Variants in RBFOX1 observed in about 807,000 individuals in gnomAD.
The protein encoded by RBFOX1 is RNA binding fox-1 homolog 1.
Under a neutral mutation model 57.7 loss-of-function variants are expected in RBFOX1, and 8 were observed. The ratio of observed to expected loss-of-function variants is 0.14; its 90% confidence interval spans 0.08 to 0.25. The LOEUF (loss-of-function observed/expected upper bound fraction) is 0.25, where lower values mean the gene tolerates loss of function less well. Among genes scored for constraint, RBFOX1 ranks in the 10% least tolerant of loss-of-function variants. The pLI is 1.00. For synonymous variants in RBFOX1, 326 were observed against 222.4 expected (o/e 1.47, Z -4.15); for missense variants, 611 against 548.5 (o/e 1.11, Z -1.14).
intron 2 of RBFOX1, among the ~76,000 whole-genome samples, chr16:5,579,370 C>T (rs2046583959): frequency 6.6e-6 from 1 of 152,130 alleles, no homozygotes; most frequent in Non-Finnish European, 1.5e-5. Flanking sequence ...CTCATCACTC[C>T]TCTTCTATGT....
At chr16:6,806,995 A>G (rs918827418) in intron 3 of RBFOX1, among the ~76,000 whole-genome samples, 2 of 151,274 alleles carry the variant, frequency 1.3e-5, no homozygotes, top group Admixed American at 6.6e-5. Context: ...CACCACGTCC[A>G]GCTGATTTTT....
chr16:7,417,134 C>T (rs906118189), intron 4 of RBFOX1, among the ~76,000 whole-genome samples: 12 of 152,038 alleles, frequency 7.9e-5, no homozygotes, highest in African/African-American at 1.9e-4. Flanking sequence ...CTTTGGGAGG[C>T]GGAGGCGGGT....
chr16:6,201,957 G>A (rs1415895115), intron 1 of RBFOX1, among the ~76,000 whole-genome samples: 2 of 152,146 alleles, frequency 1.3e-5, no homozygotes, highest in Non-Finnish European at 2.9e-5. Context: ...GGTCCCCTAG[G>A]TCAACTCAGG....
In RBFOX1 at chr16:5,273,224, A is replaced by AT. The variant is rs748241159; in HGVS notation, c.219+33134dup. On this transcript the variant is annotated intron_variant, in intron 1 of 2. Coordinates refer to the RBFOX1 transcript ENST00000585867. Reference sequence around the variant, plus strand: ...GAGCTCAAAGCCACGATTGCTTTCAATTTTTTTTTTTTTTTGGTGGTCGGT... The same window carrying AT: ...GAGCTCAAAGCCACGATTGCTTTCAATTTTTTTTTTTTTTTTGGTGGTCGGT... Among the ~76,000 whole-genome samples the AT allele has an allele frequency of 5.5e-3, 753 of 137,480 alleles. 3 individuals carry two copies. The highest frequency in any genetic ancestry group is 0.012 in the African/African-American group (437 of 37,116). 90.2% of individuals were successfully genotyped at this position (137,480 alleles called of 152,430 possible). A position where few individuals can be genotyped will look rare whatever the true frequency, so the allele number is the denominator to read the frequency against.
chr16:6,728,401 A>G (rs1338722790), intron 3 of RBFOX1, among the ~76,000 whole-genome samples: 1 of 152,158 alleles, frequency 6.6e-6, no homozygotes, highest in Non-Finnish European at 1.5e-5. Context: ...AGAAGAGGTT[A>G]TTCCTTGAGC....
intron 2 of RBFOX1, among the ~76,000 whole-genome samples, chr16:6,378,902 G>A (rs1469602893): frequency 1.3e-5 from 2 of 152,188 alleles, no homozygotes; most frequent in African/African-American, 4.8e-5. Flanking sequence ...ATGTTGGAAA[G>A]GGGACAAGGG....
At chr16:5,392,108 C>A (rs1596813510) in intron 1 of RBFOX1, among the ~76,000 whole-genome samples, 1 of 151,894 alleles carries the variant, frequency 6.6e-6, no homozygotes, top group Admixed American at 6.6e-5. Flanking sequence ...AAGAATGATA[C>A]AATGGACTTT....
intron 3 of RBFOX1, among the ~76,000 whole-genome samples, chr16:5,607,984 G>A (rs938780027): frequency 6.6e-6 from 1 of 152,200 alleles, no homozygotes; most frequent in Non-Finnish European, 1.5e-5. Flanking sequence ...TCGTGCACCT[G>A]TTGTTTGGTG....
At chr16:7,366,609 A>C (rs1324617667) in intron 4 of RBFOX1, among the ~76,000 whole-genome samples, 1 of 151,254 alleles carries the variant, frequency 6.6e-6, no homozygotes, top group Non-Finnish European at 1.5e-5. Flanking sequence ...ATGTATTTGA[A>C]ACTCTGGTCA....
At chr16:7,221,570 T>G (rs1026951505) in intron 4 of RBFOX1, among the ~76,000 whole-genome samples, 5 of 152,188 alleles carry the variant, frequency 3.3e-5, no homozygotes, top group Middle Eastern at 3.2e-3. Context: ...TCGCACCATG[T>G]TGGCCAGGGT....
At position 7,127,294 on chromosome 16, in the gene RBFOX1, T is replaced by G. The variant is rs551004869; in HGVS notation, c.27+75196T>G. The stretch of plus-strand genomic sequence containing the variant: ...TATGTAATATTATCCATAGTACTTA[T>G]GATACTGTGTTTGCTTGGTCTCAAG... On this transcript the variant is annotated intron_variant, in intron 4 of 15. Coordinates refer to ENST00000550418, the MANE Select transcript of RBFOX1 (RefSeq NM_018723.4). 2.6e-5 allele frequency among the ~76,000 whole-genome samples: 4 copies of G among 152,348 alleles called. No individual in the cohort carries two copies. In the South Asian group the frequency reaches 8.3e-4, roughly 32 times the overall value.
intron 1 of RBFOX1, among the ~76,000 whole-genome samples, chr16:6,042,322 A>AT (rs1244608021): frequency 6.6e-6 from 1 of 151,876 alleles, no homozygotes; most frequent in African/African-American, 2.4e-5. Flanking sequence ...GATGGTCTCG[A>AT]TCTCTTAACA....
chr16:5,896,642 A>C (rs1474446982), intron 4 of RBFOX1, among the ~76,000 whole-genome samples: 1 of 152,174 alleles, frequency 6.6e-6, no homozygotes, highest in African/African-American at 2.4e-5. Flanking sequence ...CCTTTATGTT[A>C]TATCAACATA....
At chr16:5,592,453 A>G (rs936352883) in intron 2 of RBFOX1, among the ~76,000 whole-genome samples, 5 of 148,824 alleles carry the variant, frequency 3.4e-5, no homozygotes, top group Non-Finnish European at 7.4e-5. Flanking sequence ...GTCTTGCTTC[A>G]TCGTCCAGGC....
chr16:6,803,338 G>A (rs1357911866), intron 3 of RBFOX1, among the ~76,000 whole-genome samples: 3 of 152,168 alleles, frequency 2.0e-5, no homozygotes, highest in East Asian at 3.8e-4. Context: ...GAAAACTACA[G>A]CAGAAGTGTT....
chr16:5,736,423 C>G (rs1196779177), intron 3 of RBFOX1, among the ~76,000 whole-genome samples: 1 of 151,988 alleles, frequency 6.6e-6, no homozygotes, highest in Non-Finnish European at 1.5e-5. Flanking sequence ...TGTGATTCAG[C>G]CACCCACGGC....
intron 2 of RBFOX1, among the ~76,000 whole-genome samples, chr16:5,497,792 CAAAAG>C (rs150928594): frequency 0.012 from 1,752 of 151,964 alleles, 37 homozygotes; most frequent in African/African-American, 0.04. Flanking sequence ...TCAAAATAAA[CAAAAG>C]AAAAGTTTAC....
intron 4 of RBFOX1, among the ~76,000 whole-genome samples, chr16:7,085,555 C>A (rs192567038): frequency 6.6e-6 from 1 of 152,038 alleles, no homozygotes; most frequent in Non-Finnish European, 1.5e-5. Context: ...AGCACGTGTT[C>A]AGTAGAATAT....
intron 2 of RBFOX1, among the ~76,000 whole-genome samples, chr16:6,584,340 C>CATTATTATTATT (rs3045200): frequency 1.1e-3 from 152 of 136,786 alleles, no homozygotes; most frequent in East Asian, 6.0e-3. Context: ...GTTTTATTTT[C>CATTATTATTATT]ATTATTATTA....
Sources: allele counts gnomAD v4.1 joint callset (sites outside exome capture counted in the v4.1 genomes callset), GRCh38; gene constraint gnomAD v4.1.1; transcripts MANE v1.5; gene names NCBI Gene and HGNC (gene_info 2026-07-23, HGNC 2026-07-21).